NELL1: variants seen among roughly 807,000 people sequenced by gnomAD.
NELL1 encodes the protein protein kinase C-binding protein NELL1.
Under a neutral mutation model 107.4 loss-of-function variants are expected in NELL1, and 76 were observed. The observed-to-expected ratio is 0.71, with a 90% CI of 0.59 to 0.86. NELL1 has a LOEUF of 0.86. NELL1 is among the 40% of genes least tolerant of loss of function. The pLI, the probability that NELL1 is intolerant of heterozygous loss-of-function variation, is 0.00. For missense variants in NELL1, 1,024 were observed against 1,005.5 expected (o/e 1.02, Z -0.25); for synonymous variants, 353 against 341.2 (o/e 1.03, Z -0.38).
intron 15 of NELL1, among the ~76,000 whole-genome samples, chr11:21,391,638 G>T (rs1343435759): frequency 6.6e-6 from 1 of 151,546 alleles, no homozygotes; most frequent in African/African-American, 2.4e-5. Flanking sequence ...TAGCTACCCT[G>T]TTTCATTATT....
In NELL1 at chr11:21,573,222, A is replaced by T; in HGVS notation, c.2195A>T (p.Asn732Ile). The change falls in exon 19 of 20, where the codon AAC (asparagine) becomes ATC (isoleucine). Residue 732 changes from asparagine to isoleucine, a missense_variant. Transcript: ENST00000357134. The part of the protein sequence containing the change: ...EVDCWPLTCP[N>I]LSCEYTAILE... Reference sequence around the variant, plus strand: ...GATTGCTGGCCACTCACTTGCCCCAACTTGAGCTGTGAGTATACAGCTATC... The same window carrying T: ...GATTGCTGGCCACTCACTTGCCCCATCTTGAGCTGTGAGTATACAGCTATC... 6.2e-7 allele frequency: 1 copy of T among 1,612,156 alleles called. No homozygotes were observed. The highest frequency in any genetic ancestry group is 8.5e-7 in the Non-Finnish European group (1 of 1,178,856).
chr11:21,554,049 T>C (rs1317275714), intron 16 of NELL1, among the ~76,000 whole-genome samples: 1 of 151,864 alleles, frequency 6.6e-6, no homozygotes, highest in Non-Finnish European at 1.5e-5. Flanking sequence ...ATCAATACTG[T>C]AGCCTCTGTG....
At chr11:21,083,987 G>T in intron 12 of NELL1, among the ~76,000 whole-genome samples, 1 of 152,118 alleles carries the variant, frequency 6.6e-6, no homozygotes, top group East Asian at 1.9e-4. Flanking sequence ...GACTTGGCAG[G>T]GACATGATCA....
chr11:20,871,385 G>A (rs574618604), intron 4 of NELL1, among the ~76,000 whole-genome samples: 2 of 152,198 alleles, frequency 1.3e-5, no homozygotes, highest in African/African-American at 4.8e-5. Flanking sequence ...CTGTTCATCT[G>A]CCCTATAATG....
intron 14 of NELL1, among the ~76,000 whole-genome samples, chr11:21,346,379 A>G (rs1850682975): frequency 6.6e-6 from 1 of 151,986 alleles, no homozygotes; most frequent in Non-Finnish European, 1.5e-5. Context: ...TGATTGAGTT[A>G]TATACTTCCA....
intron 12 of NELL1, among the ~76,000 whole-genome samples, chr11:21,070,348 A>G (rs1173725975): frequency 2.0e-5 from 3 of 152,130 alleles, no homozygotes; most frequent in African/African-American, 7.2e-5. Flanking sequence ...AAATTAGTAG[A>G]CTTGGTGTTT....
At chr11:21,346,915 T>C (rs1565180396) in intron 14 of NELL1, among the ~76,000 whole-genome samples, 1 of 152,178 alleles carries the variant, frequency 6.6e-6, no homozygotes, top group Non-Finnish European at 1.5e-5. Context: ...CCTCTTATTA[T>C]AACGTGGCAT....
At position 20,829,782 on chromosome 11, in the gene NELL1, G is replaced by C. The variant is rs138733612; in HGVS notation, c.336-17801G>C. ...GTTTCTGACATTTCCTCATGATTAA[G>C]TTATTATTATTTTTTTTTGGCAAGG... On this transcript the variant is annotated intron_variant, in intron 3 of 19. Transcript: ENST00000357134. Among the ~76,000 whole-genome samples the C allele has an allele frequency of 2.0e-5, 3 of 152,044 alleles. No individual in the cohort carries two copies. The East Asian group carries it at 5.8e-4, about 29-fold the overall frequency.
chr11:21,157,374 T>G (rs1403720747), intron 13 of NELL1, among the ~76,000 whole-genome samples: 1 of 152,172 alleles, frequency 6.6e-6, no homozygotes, highest in Non-Finnish European at 1.5e-5. Flanking sequence ...AATGGAAAAT[T>G]ATACAAGCAT....
intron 14 of NELL1, among the ~76,000 whole-genome samples, chr11:21,230,232 G>A (rs931469799): frequency 1.3e-5 from 2 of 152,106 alleles, no homozygotes; most frequent in Non-Finnish European, 2.9e-5. Context: ...ACAGGTTTAT[G>A]TGTTTGCTTA....
intron 14 of NELL1, among the ~76,000 whole-genome samples, chr11:21,334,632 G>T (rs1850346552): frequency 6.6e-6 from 1 of 151,826 alleles, no homozygotes; most frequent in South Asian, 2.1e-4. Flanking sequence ...TCAAAAATAT[G>T]TATGGAATAC....
chr11:21,033,515 T>G (rs1516764), intron 12 of NELL1, among the ~76,000 whole-genome samples: 35,740 of 152,032 alleles, frequency 0.24, 5,524 homozygotes, highest in African/African-American at 0.44. Flanking sequence ...TTATTAGTTT[T>G]CTAAGGATAG....
intron 15 of NELL1, among the ~76,000 whole-genome samples, chr11:21,464,429 T>C (rs1321021764): frequency 6.8e-6 from 1 of 147,006 alleles, no homozygotes; most frequent in Admixed American, 6.9e-5. Context: ...AAATTCAGAG[T>C]AATAGCATAG....
intron 3 of NELL1, 26 bp from the exon 4 acceptor site, chr11:20,847,557 A>G: frequency 6.2e-7 from 1 of 1,603,506 alleles, no homozygotes; most frequent in South Asian, 1.1e-5. Flanking sequence ...CTAAAATAAA[A>G]CAAATGTTTG....
intron 12 of NELL1, among the ~76,000 whole-genome samples, chr11:21,022,703 T>C (rs1233447226): frequency 6.6e-6 from 1 of 152,112 alleles, no homozygotes; most frequent in Non-Finnish European, 1.5e-5. Flanking sequence ...GAGTTCATCA[T>C]TTACTTTTTT....
intron 16 of NELL1, among the ~76,000 whole-genome samples, chr11:21,540,456 G>C (rs1856263564): frequency 6.6e-6 from 1 of 152,036 alleles, no homozygotes; most frequent in African/African-American, 2.4e-5. Flanking sequence ...TTCGGTGCCT[G>C]GCTGTATTAG....
intron 13 of NELL1, among the ~76,000 whole-genome samples, chr11:21,156,027 G>C (rs1856224373): frequency 6.6e-6 from 1 of 152,088 alleles, no homozygotes; most frequent in African/African-American, 2.4e-5. Context: ...GGAGATGATG[G>C]GTATCCCAAT....
At chr11:20,920,165 A>G (rs922592506) in intron 7 of NELL1, among the ~76,000 whole-genome samples, 2 of 152,126 alleles carry the variant, frequency 1.3e-5, no homozygotes, top group Non-Finnish European at 2.9e-5. Flanking sequence ...AGTTGTGGAC[A>G]TGAGTTCCAG....
Position 21,317,928 on chromosome 11 carries a change from G to A in NELL1, c.1550-52925G>A, listed in dbSNP as rs536257905. Among the ~76,000 whole-genome samples the A allele has an allele frequency of 1.5e-4, 23 of 152,034 alleles. 1 individual carries two copies. Among genetic ancestry groups the A allele is most frequent in the East Asian group, 7.7e-4 (4 of 5,164 alleles). On this transcript the variant is annotated intron_variant, in intron 14 of 19. Transcript: ENST00000357134. Reference sequence around the variant, plus strand: ...CATGTAAGTTAAGTAAAAATTATCCGTATCTTGAAAGAAAAATCCTATGTG... The same window carrying A: ...CATGTAAGTTAAGTAAAAATTATCCATATCTTGAAAGAAAAATCCTATGTG...
Sources: allele counts gnomAD v4.1 joint callset (sites outside exome capture counted in the v4.1 genomes callset), GRCh38; gene constraint gnomAD v4.1.1; transcripts MANE v1.5; gene names NCBI Gene and HGNC (gene_info 2026-07-23, HGNC 2026-07-21).